BRINP3: variants seen among roughly 807,000 people sequenced by gnomAD.
The protein encoded by BRINP3 is BMP/retinoic acid inducible neural specific 3.
Under a neutral mutation model 71.0 loss-of-function variants are expected in BRINP3, and 19 were observed. The observed-to-expected ratio is 0.27, with a 90% CI of 0.19 to 0.39. The LOEUF (loss-of-function observed/expected upper bound fraction) is 0.39, where lower values mean the gene tolerates loss of function less well. Ranked by LOEUF, BRINP3 falls within the 10% of genes least tolerant of loss-of-function variation. The pLI, the probability that BRINP3 is intolerant of heterozygous loss-of-function variation, is 1.00. For missense variants in BRINP3, 959 were observed against 940.8 expected (o/e 1.02, Z -0.25); for synonymous variants, 380 against 337.7 (o/e 1.13, Z -1.37).
intron 2 of BRINP3, among the ~76,000 whole-genome samples, chr1:190,288,245 A>G (rs1349952128): frequency 6.6e-6 from 1 of 151,982 alleles, no homozygotes; most frequent in East Asian, 1.9e-4. Flanking sequence ...ATAAGTGTAG[A>G]CAAGTCAAGA....
intron 2 of BRINP3, among the ~76,000 whole-genome samples, chr1:190,441,058 C>T (rs1024547139): frequency 4.0e-5 from 6 of 151,710 alleles, no homozygotes; most frequent in African/African-American, 1.5e-4. Context: ...AATAGAGCAA[C>T]AAGATCAGTC....
intron 4 of BRINP3, among the ~76,000 whole-genome samples, chr1:190,251,640 A>G (rs1248634472): frequency 2.0e-5 from 3 of 152,042 alleles, no homozygotes; most frequent in Non-Finnish European, 4.4e-5. Context: ...TAGGAATGCA[A>G]TAAAAGAAAT....
chr1:190,333,722 A>G (rs1667110493), intron 2 of BRINP3, among the ~76,000 whole-genome samples: 1 of 151,964 alleles, frequency 6.6e-6, no homozygotes, highest in African/African-American at 2.4e-5. Flanking sequence ...CAACATCCAT[A>G]CTAATTGATT....
intron 6 of BRINP3, among the ~76,000 whole-genome samples, chr1:190,194,402 A>G (rs1855240): frequency 0.37 from 55,761 of 151,842 alleles, 10,305 homozygotes; most frequent in Middle Eastern, 0.42. Flanking sequence ...CAGCCCTAGG[A>G]CACATAGACT....
At chr1:190,261,334 A>T (rs1489123502) in intron 4 of BRINP3, among the ~76,000 whole-genome samples, 3 of 152,100 alleles carry the variant, frequency 2.0e-5, no homozygotes, top group African/African-American at 7.2e-5. Context: ...TTGGACTACA[A>T]ATAATATTGT....
At chr1:190,450,240 A>C (rs1675516239) in intron 2 of BRINP3, among the ~76,000 whole-genome samples, 1 of 152,160 alleles carries the variant, frequency 6.6e-6, no homozygotes, top group Non-Finnish European at 1.5e-5. Flanking sequence ...GCTGATGGTA[A>C]TGACACAGCT....
intron 7 of BRINP3, among the ~76,000 whole-genome samples, chr1:190,119,932 C>T (rs1434780492): frequency 1.3e-5 from 2 of 152,212 alleles, no homozygotes; most frequent in Non-Finnish European, 2.9e-5. Flanking sequence ...TACAGATCCT[C>T]GAAGAGCAGC....
chr1:190,430,382 C>A (rs904219143), intron 2 of BRINP3, among the ~76,000 whole-genome samples: 11 of 152,030 alleles, frequency 7.2e-5, no homozygotes, highest in African/African-American at 2.7e-4. Context: ...GAACACAGGT[C>A]ACCAGAAATG....
intron 6 of BRINP3, among the ~76,000 whole-genome samples, chr1:190,209,884 T>C (rs1191834979): frequency 6.6e-6 from 1 of 152,110 alleles, no homozygotes; most frequent in East Asian, 1.9e-4. Context: ...AATAGTCCAC[T>C]TGTATGCTTT....
At chr1:190,140,828 C>T (rs1226407774) in intron 7 of BRINP3, among the ~76,000 whole-genome samples, 7 of 152,082 alleles carry the variant, frequency 4.6e-5, no homozygotes, top group Non-Finnish European at 7.4e-5. Flanking sequence ...CTATTCATGC[C>T]AGCAGCTTAA....
intron 7 of BRINP3, among the ~76,000 whole-genome samples, chr1:190,130,213 GACAA>G (rs1654425118): frequency 6.6e-6 from 1 of 151,750 alleles, no homozygotes; most frequent in Non-Finnish European, 1.5e-5. Flanking sequence ...TTTATTAATT[GACAA>G]ATAAACAAAA....
Position 190,352,870 on chromosome 1 carries a change from T to C in BRINP3, c.237-71120A>G, listed in dbSNP as rs1571836104. Among the ~76,000 whole-genome samples, 3 of 152,010 alleles carry C rather than the reference T, an allele frequency of 2.0e-5. No homozygotes were observed. In the South Asian group the frequency reaches 6.2e-4, roughly 32 times the overall value. On this transcript the variant is annotated intron_variant, in intron 2 of 7. Transcript: ENST00000367462. Reference sequence around the variant, plus strand: ...CTCTCTCTCTCTCTCTGTGTGTGTATGTGCATGTCTCTCTCACACATGCAT... The same window carrying C: ...CTCTCTCTCTCTCTCTGTGTGTGTACGTGCATGTCTCTCTCACACATGCAT...
At chr1:190,444,419 A>C (rs1322714723) in intron 2 of BRINP3, among the ~76,000 whole-genome samples, 1 of 151,868 alleles carries the variant, frequency 6.6e-6, no homozygotes, top group East Asian at 1.9e-4. Context: ...ACTTTTCTTC[A>C]TACCAATAAT....
chr1:190,454,613 C>G, intron 2 of BRINP3, 42 bp downstream of exon 2: 1 of 1,541,098 alleles, frequency 6.5e-7, no homozygotes. Context: ...ACACAACCTT[C>G]AAGGATGATA....
chr1:190,354,698 C>A (rs1268375627), intron 2 of BRINP3, among the ~76,000 whole-genome samples: 2 of 151,490 alleles, frequency 1.3e-5, no homozygotes, highest in East Asian at 3.9e-4. Context: ...TTTGTTCTAC[C>A]TCTAAATACA....
chr1:190,340,257 G>C (rs1012448369), intron 2 of BRINP3, among the ~76,000 whole-genome samples: 2 of 151,814 alleles, frequency 1.3e-5, no homozygotes, highest in Non-Finnish European at 2.9e-5. Context: ...AAGTAATCAA[G>C]GAATAGAAAA....
intron 2 of BRINP3, among the ~76,000 whole-genome samples, chr1:190,360,216 A>T (rs1300143798): frequency 6.6e-6 from 1 of 152,176 alleles, no homozygotes; most frequent in Non-Finnish European, 1.5e-5. Flanking sequence ...TGTCCTTCAA[A>T]GGTCTGTGTG....
intron 7 of BRINP3, among the ~76,000 whole-genome samples, chr1:190,148,552 C>T (rs1436175539): frequency 2.0e-5 from 3 of 150,762 alleles, no homozygotes; most frequent in Non-Finnish European, 2.9e-5. Flanking sequence ...GCTGAGATCG[C>T]GCCGCTGTAT....
At chr1:190,227,113 T>A (rs572380144) in intron 5 of BRINP3, among the ~76,000 whole-genome samples, 4 of 152,030 alleles carry the variant, frequency 2.6e-5, no homozygotes, top group African/African-American at 9.6e-5. Flanking sequence ...ACTTAAATAC[T>A]AAATATTTAA....
Sources: gnomAD v4.1 joint callset for allele counts (sites outside exome capture counted in the v4.1 genomes callset) on GRCh38, gnomAD v4.1.1 for gene constraint, MANE v1.5 for transcripts, NCBI Gene and HGNC (gene_info 2026-07-23, HGNC 2026-07-21) for gene names.